Variants in KMT2C observed in about 807,000 individuals in gnomAD.
KMT2C encodes the protein lysine methyltransferase 2C, also known as histone-lysine N-methyltransferase 2C.
Under a neutral mutation model 507.9 loss-of-function variants are expected in KMT2C, and 88 were observed. The ratio of observed to expected loss-of-function variants is 0.17; its 90% CI spans 0.15 to 0.21. The LOEUF (loss-of-function observed/expected upper bound fraction) is 0.21, where lower values mean the gene tolerates loss of function less well. Among genes scored for constraint, KMT2C ranks in the 10% least tolerant of loss-of-function variants. The probability of loss-of-function intolerance (pLI) is 1.00; values close to 1 mark genes in which losing one functional copy is unlikely to be tolerated. For missense variants in KMT2C, 4,954 were observed against 5,957.8 expected, an observed-to-expected ratio of 0.83 and a Z score of 5.55; for synonymous variants, 2,049 against 2,080.8, an observed-to-expected ratio of 0.98 and a Z score of 0.42.
chr7:152,307,288 A>T (rs2096629072), intron 6 of KMT2C, among the ~76,000 whole-genome samples: 1 of 130,440 alleles, frequency 7.7e-6, no homozygotes, highest in Admixed American at 7.6e-5. Context: ...AAAGGAAGGA[A>T]GGAAGGAAGG....
chr7:152,253,775 A>G (rs1001176126), intron 9 of KMT2C, among the ~76,000 whole-genome samples: 23 of 152,120 alleles, frequency 1.5e-4, no homozygotes, highest in African/African-American at 5.6e-4. Flanking sequence ...CAAAAGTCCA[A>G]TGATGGCCCT....
rs1289458143 is a variant in KMT2C, at chr7:152,224,636, T to C, written c.2977-20A>G. On this transcript the variant is annotated intron_variant, in intron 18 of 58. Transcript: ENST00000262189. ...AGTGATCTGTAAAAGAAACAACCAATCCATGTGATTTATGCATTAACCTAA... is the reference window on the plus strand; with the variant it reads ...AGTGATCTGTAAAAGAAACAACCAACCCATGTGATTTATGCATTAACCTAA... 1 of 1,241,166 alleles carries C rather than the reference T, an allele frequency of 8.1e-7. No homozygotes were observed. The highest frequency in any genetic ancestry group is 1.2e-6 in the Non-Finnish European group (1 of 850,940). The allele number at this position is 1,241,166 out of a possible 1,614,324, so 76.9% of individuals were successfully genotyped here.
At chr7:152,204,720 G>A (rs1319184663) in intron 25 of KMT2C, among the ~76,000 whole-genome samples, 2 of 152,132 alleles carry the variant, frequency 1.3e-5, no homozygotes, top group Non-Finnish European at 2.9e-5. Context: ...AGCTAAGGCA[G>A]TCAAAGAAAG....
At position 152,138,623 on chromosome 7, in the gene KMT2C, CT is replaced by C. The variant is rs2090155312; in HGVS notation, c.14643+172del. On this transcript the variant is annotated intron_variant, in intron 58 of 58. Coordinates refer to ENST00000262189, the MANE Select transcript of KMT2C (RefSeq NM_170606.3). This position sits in a 1 kb window ranked among gnomAD's most constrained non-coding sequence, Gnocchi z 4.2. ...GAGCTGCCATGTGGAGGAAGGTGAA[CT>C]GGAGTGCCTGAAGGGTGAGATACTG... is the stretch of plus-strand genomic sequence containing the variant. 1.9e-6 allele frequency: 1 copy of C among 520,092 alleles called. No homozygotes were observed. Among genetic ancestry groups the C allele is most frequent in the African/African-American group, 2.0e-5 (1 of 50,172 alleles). The allele number at this position is 520,092 out of a possible 1,614,324, so 32.2% of individuals were successfully genotyped here.
At chr7:152,377,650 C>T (rs2097339395) in intron 1 of KMT2C, among the ~76,000 whole-genome samples, 1 of 150,588 alleles carries the variant, frequency 6.6e-6, no homozygotes, top group African/African-American at 2.5e-5. Flanking sequence ...TCAGGAGAAT[C>T]GCTTGAACCA....
intron 9 of KMT2C, among the ~76,000 whole-genome samples, chr7:152,256,785 C>T (rs2095668733): frequency 6.6e-6 from 1 of 152,050 alleles, no homozygotes; most frequent in South Asian, 2.1e-4. Context: ...TCAGGATAAA[C>T]AAAAATTAAA....
chr7:152,170,790 C>T (rs972104606), intron 40 of KMT2C, among the ~76,000 whole-genome samples: 4 of 152,082 alleles, frequency 2.6e-5, no homozygotes, highest in African/African-American at 7.2e-5. Context: ...AGTGAGCCAC[C>T]GTGCCCAGCC....
chr7:152,399,508 G>C (rs2097558444), intron 1 of KMT2C, among the ~76,000 whole-genome samples: 1 of 152,066 alleles, frequency 6.6e-6, no homozygotes, highest in African/African-American at 2.4e-5. Context: ...ATGGACTCTT[G>C]AATGTCAGAA....
chr7:152,195,199 A>C (rs1252306529), intron 28 of KMT2C, among the ~76,000 whole-genome samples: 1 of 152,172 alleles, frequency 6.6e-6, no homozygotes, highest in Non-Finnish European at 1.5e-5. Context: ...CAATATTATT[A>C]CTATTAAAAA....
At chr7:152,355,228 A>G (rs2097142547) in intron 2 of KMT2C, among the ~76,000 whole-genome samples, 1 of 152,246 alleles carries the variant, frequency 6.6e-6, no homozygotes, top group Non-Finnish European at 1.5e-5. Flanking sequence ...AAGCCTGAAC[A>G]ATATACAGTG....
chr7:152,362,431 C>T (rs2097204606), intron 1 of KMT2C, among the ~76,000 whole-genome samples: 1 of 151,720 alleles, frequency 6.6e-6, no homozygotes, highest in Non-Finnish European at 1.5e-5. Flanking sequence ...ACCTGTAGAC[C>T]AATACAAGAA....
At chr7:152,159,624 G>GT (rs1280000388) in intron 43 of KMT2C, among the ~76,000 whole-genome samples, 1 of 152,214 alleles carries the variant, frequency 6.6e-6, no homozygotes, top group Admixed American at 6.5e-5. Flanking sequence ...GTTCACAACC[G>GT]TATTTGACTG....
In KMT2C at chr7:152,224,512, G is replaced by A. The variant is rs4024359; in HGVS notation, c.3081C>T (p.Asp1027=). 6.2e-7 allele frequency: 1 copy of A among 1,611,898 alleles called. No individual in the cohort carries two copies. The highest frequency in any genetic ancestry group is 8.5e-7 in the Non-Finnish European group (1 of 1,179,792). Residue 1027 remains aspartate (D), a synonymous_variant, in exon 19 of 59, where the codon GAC becomes GAT. Coordinates refer to ENST00000262189, the MANE Select transcript of KMT2C (RefSeq NM_170606.3). ...TDPGRLLLCD[D]CDISYHTYCL... is the part of the protein sequence containing the mutation. ...AGTAGGTGTGATAACTTATGTCACA[G>A]TCATCACACAGCAGGAGTCTTCCTG... is the stretch of plus-strand genomic sequence containing the variant.
chr7:152,354,997 T>G (rs2097141110), intron 2 of KMT2C, among the ~76,000 whole-genome samples: 1 of 152,196 alleles, frequency 6.6e-6, no homozygotes, highest in Admixed American at 6.5e-5. Flanking sequence ...AAAGACCAGT[T>G]AGGAAGCTAT....
intron 1 of KMT2C, among the ~76,000 whole-genome samples, chr7:152,387,469 A>T (rs1382176022): frequency 2.4e-4 from 28 of 115,708 alleles, no homozygotes; most frequent in Non-Finnish European, 3.4e-4. Flanking sequence ...GTATAATTCC[A>T]TTTTTTTTTT....
rs2129113645 is a variant in KMT2C, at chr7:152,176,781, G to C, written c.8672C>G (p.Ala2891Gly). 1 of 1,614,176 alleles carries C rather than the reference G, an allele frequency of 6.2e-7. No homozygotes were observed. Among genetic ancestry groups the C allele is most frequent in the Non-Finnish European group, 8.5e-7 (1 of 1,180,026 alleles). ...RTNRETAGPS[A>G]NVIQASTQLP... Reference sequence around the variant, plus strand: ...TTGAGTGGATGCCTGAATGACATTTGCACTGGGGCCAGCAGTTTCTCGATT... The same window carrying C: ...TTGAGTGGATGCCTGAATGACATTTCCACTGGGGCCAGCAGTTTCTCGATT... Residue 2891 changes from alanine (A) to glycine (G), a missense_variant, in exon 38 of 59, where the codon GCA becomes GGA. By Grantham distance (60) the Ala-to-Gly change is moderately conservative. Around this residue, in one of 29 missense-constraint regions of KMT2C, gnomAD observed 1,689 missense variants for 1,654.3 expected, o/e 1.02. Coordinates refer to ENST00000262189, the MANE Select transcript of KMT2C (RefSeq NM_170606.3).
chr7:152,180,032 G>C lies in KMT2C; in HGVS notation c.7244C>G (p.Pro2415Arg), dbSNP rs2093378149. 6.2e-7 allele frequency: 1 copy of C among 1,614,172 alleles called. No individual in the cohort carries two copies. Among genetic ancestry groups the C allele is most frequent in the Non-Finnish European group, 8.5e-7 (1 of 1,180,024 alleles). ...CCAGTGTTGAAGAGGCCCTGGATGA[G>C]GCACTGCGGGTGAGTCCTGTGACCC... ...EKGSQDSPAV[P>R]HPGPLQHWQP... The change falls in exon 37 of 59, where the codon CCT (proline) becomes CGT (arginine). Residue 2415 changes from proline (P) to arginine (R), a missense_variant. Physicochemically the swap from Pro to Arg is moderately radical, Grantham distance 103 (BLOSUM62 -2). Coordinates refer to ENST00000262189, the MANE Select transcript of KMT2C (RefSeq NM_170606.3).
intron 1 of KMT2C, among the ~76,000 whole-genome samples, chr7:152,411,702 G>GCAGTAGAC (rs2097686398): frequency 6.6e-6 from 1 of 152,214 alleles, no homozygotes; most frequent in Non-Finnish European, 1.5e-5. Context: ...CCACTTACAA[G>GCAGTAGAC]AACTTCCCCT....
intron 1 of KMT2C, among the ~76,000 whole-genome samples, chr7:152,408,814 T>TTA (rs1396435612): frequency 8.2e-6 from 1 of 122,316 alleles, no homozygotes; most frequent in Non-Finnish European, 1.8e-5. Context: ...AAGGTTTTGT[T>TTA]AAAAAAAAAA....
Sources: allele counts gnomAD v4.1 joint callset (sites outside exome capture counted in the v4.1 genomes callset), GRCh38; gene constraint gnomAD v4.1.1; regional missense constraint gnomAD v4.1.1; non-coding constraint Gnocchi (gnomAD v3.1); transcripts MANE v1.5; gene names NCBI Gene and HGNC (gene_info 2026-07-23, HGNC 2026-07-21).